The following AKAP6 variants were observed in gnomAD, a reference collection of about 807,000 sequenced individuals.
AKAP6 encodes A-kinase anchoring protein 6, also known as A-kinase anchor protein 6.
A neutral mutation model predicts 188.5 loss-of-function variants in AKAP6; 58 were observed. The ratio of observed to expected loss-of-function variants is 0.31; its 90% CI spans 0.25 to 0.38. AKAP6 has a LOEUF of 0.38. Ranked by LOEUF, AKAP6 falls within the 10% of genes least tolerant of loss-of-function variation. The pLI is 1.00. For synonymous variants in AKAP6, 989 were observed against 998.6 expected (o/e 0.99, Z 0.18); for missense variants, 2,710 against 2,740.0 (o/e 0.99, Z 0.24).
intron 7 of AKAP6, among the ~76,000 whole-genome samples, chr14:32,628,430 G>T (rs1437235057): frequency 6.6e-6 from 1 of 150,930 alleles, no homozygotes; most frequent in African/African-American, 2.5e-5. Flanking sequence ...AGAATTTCAA[G>T]GGCCTCCACA....
chr14:32,555,127 C>T (rs1883633730), intron 4 of AKAP6, among the ~76,000 whole-genome samples: 1 of 152,200 alleles, frequency 6.6e-6, no homozygotes, highest in Non-Finnish European at 1.5e-5. Context: ...CATAAGTTAT[C>T]TTGGACTCAT....
At chr14:32,735,349 G>A (rs1369620279) in intron 10 of AKAP6, among the ~76,000 whole-genome samples, 1 of 151,864 alleles carries the variant, frequency 6.6e-6, no homozygotes, top group East Asian at 1.9e-4. Context: ...TTTATCTTGC[G>A]AACTATGGGC....
At chr14:32,826,171 G>A (rs893873659) in intron 13 of AKAP6, among the ~76,000 whole-genome samples, 2 of 149,556 alleles carry the variant, frequency 1.3e-5, no homozygotes, top group African/African-American at 4.9e-5. Flanking sequence ...GGGACTAAGG[G>A]GGGGCATCTA....
chr14:32,816,190 GGTTT>G (rs959794401), intron 12 of AKAP6, among the ~76,000 whole-genome samples: 38 of 152,046 alleles, frequency 2.5e-4, no homozygotes, highest in African/African-American at 8.2e-4. Flanking sequence ...GCTCTTATAT[GGTTT>G]GTTTGTTTGT....
chr14:32,639,902 T>C (rs1295451981), intron 7 of AKAP6, among the ~76,000 whole-genome samples: 1 of 151,942 alleles, frequency 6.6e-6, no homozygotes, highest in Non-Finnish European at 1.5e-5. Flanking sequence ...TGGGGTGAGA[T>C]TTGGGATGGA....
At chr14:32,583,221 G>A (rs1885062120) in intron 5 of AKAP6, among the ~76,000 whole-genome samples, 2 of 152,224 alleles carry the variant, frequency 1.3e-5, no homozygotes, top group Non-Finnish European at 2.9e-5. Context: ...AGGACCCTCA[G>A]CTGCAGGTCT....
At chr14:32,627,533 A>T (rs949210751) in intron 7 of AKAP6, among the ~76,000 whole-genome samples, 7 of 152,092 alleles carry the variant, frequency 4.6e-5, no homozygotes, top group African/African-American at 1.2e-4. Flanking sequence ...CCCCTAAAAA[A>T]TATATATTAT....
At chr14:32,829,273 G>A (rs960330236) in intron 13 of AKAP6, among the ~76,000 whole-genome samples, 2 of 152,152 alleles carry the variant, frequency 1.3e-5, no homozygotes, top group East Asian at 1.9e-4. Context: ...ATTACTATTT[G>A]AGCTAGAAGC....
chr14:32,424,219 A>G (rs1889954296), intron 1 of AKAP6, among the ~76,000 whole-genome samples: 1 of 152,132 alleles, frequency 6.6e-6, no homozygotes, highest in African/African-American at 2.4e-5. Context: ...TCTTTTTAGA[A>G]TTCTTGCTCC....
intron 2 of AKAP6, among the ~76,000 whole-genome samples, chr14:32,485,325 C>G (rs558229662): frequency 2.6e-5 from 4 of 151,998 alleles, no homozygotes; most frequent in Non-Finnish European, 5.9e-5. Flanking sequence ...TGAGTATACA[C>G]CCAGTAATGG....
intron 1 of AKAP6, among the ~76,000 whole-genome samples, chr14:32,343,188 C>G (rs912285244): frequency 2.0e-5 from 3 of 151,944 alleles, no homozygotes; most frequent in African/African-American, 7.3e-5. Context: ...CTTGCCTAAC[C>G]TTTCTGGGTC....
intron 9 of AKAP6, chr14:32,718,459 C>T (rs1463021934): frequency 3.4e-6 from 1 of 297,430 alleles, no homozygotes; most frequent in Non-Finnish European, 5.0e-6. Context: ...AAGCCTGTAG[C>T]ATACTGGTAT....
chr14:32,532,640 G>GTA (rs894439600), intron 2 of AKAP6, among the ~76,000 whole-genome samples: 4 of 152,154 alleles, frequency 2.6e-5, no homozygotes, highest in African/African-American at 9.7e-5. Context: ...GATGAGAAAT[G>GTA]TATATATGGC....
At chr14:32,710,617 AC>A (rs1566660283) in intron 9 of AKAP6, among the ~76,000 whole-genome samples, 1 of 152,036 alleles carries the variant, frequency 6.6e-6, no homozygotes, top group Admixed American at 6.6e-5. Context: ...ACGAAAAAAA[AC>A]AGCCATGGCG....
chr14:32,812,398 C>G (rs1013023196), intron 12 of AKAP6, among the ~76,000 whole-genome samples: 5 of 151,604 alleles, frequency 3.3e-5, no homozygotes, highest in African/African-American at 1.2e-4. Flanking sequence ...TTAAAAAATT[C>G]ATTTTAAACA....
intron 5 of AKAP6, among the ~76,000 whole-genome samples, chr14:32,593,305 T>C (rs1246948398): frequency 1.3e-5 from 2 of 152,098 alleles, no homozygotes; most frequent in Non-Finnish European, 2.9e-5. Flanking sequence ...TGTTGATTGA[T>C]TGGATGTGTG....
At position 32,696,197 on chromosome 14, in the gene AKAP6, C is replaced by T. The variant is rs1890396293; in HGVS notation, c.3000+87C>T. On this transcript the variant is annotated intron_variant, in intron 9 of 13. Transcript: ENST00000280979. Reference sequence around the variant, plus strand: ...CTCTCTCTCTCTCAGGATATCTTTTCGTTCATTGTATGTATCATGGTGTCT... The same window carrying T: ...CTCTCTCTCTCTCAGGATATCTTTTTGTTCATTGTATGTATCATGGTGTCT... The T allele has an allele frequency of 7.4e-6, 11 of 1,486,264 alleles. No individual in the cohort carries two copies. The Admixed American group carries it at 1.3e-4, about 17-fold the overall frequency. The allele number at this position is 1,486,264 out of a possible 1,614,324, so 92.1% of individuals were successfully genotyped here.
At chr14:32,606,285 G>A (rs1886123274) in intron 7 of AKAP6, among the ~76,000 whole-genome samples, 1 of 152,084 alleles carries the variant, frequency 6.6e-6, no homozygotes, top group Non-Finnish European at 1.5e-5. Context: ...CAGCTGGAGG[G>A]ATTTCAAAAC....
intron 7 of AKAP6, among the ~76,000 whole-genome samples, chr14:32,661,172 C>T (rs757368195): frequency 6.6e-6 from 1 of 151,920 alleles, no homozygotes; most frequent in Non-Finnish European, 1.5e-5. Context: ...TGCAGAGAAG[C>T]CAAGGGCTCA....
Sources: allele counts gnomAD v4.1 joint callset (sites outside exome capture counted in the v4.1 genomes callset), GRCh38; gene constraint gnomAD v4.1.1; transcripts MANE v1.5; gene names NCBI Gene and HGNC (gene_info 2026-07-23, HGNC 2026-07-21).